Variants in CHL1 observed in about 807,000 individuals in gnomAD.
CHL1 encodes the protein cell adhesion molecule L1 like, also known as neural cell adhesion molecule L1-like protein.
Under a neutral mutation model 141.9 loss-of-function variants are expected in CHL1, and 96 were observed. That is an observed-to-expected ratio of 0.68 (90% CI 0.57 to 0.80). The LOEUF is 0.80. CHL1 is among the 30% of genes least tolerant of loss of function. The pLI, the probability that CHL1 is intolerant of heterozygous loss-of-function variation, is 0.00. For synonymous variants in CHL1, 613 were observed against 502.2 expected (o/e 1.22, Z -2.95); for missense variants, 1,820 against 1,457.2 (o/e 1.25, Z -4.05).
intron 2 of CHL1, among the ~76,000 whole-genome samples, chr3:264,264 C>T (rs571267659): frequency 6.6e-5 from 10 of 151,490 alleles, no homozygotes; most frequent in African/African-American, 2.2e-4. Context: ...TGTTCATAAC[C>T]CCTGCCTTTA....
At chr3:370,726 T>C (rs887929117) in intron 15 of CHL1, among the ~76,000 whole-genome samples, 8 of 152,216 alleles carry the variant, frequency 5.3e-5, no homozygotes, top group Admixed American at 6.5e-5. Context: ...CTTTCTAGCT[T>C]TCTGATGTGG....
chr3:313,559 T>C (rs1699918919), intron 2 of CHL1, among the ~76,000 whole-genome samples: 1 of 152,112 alleles, frequency 6.6e-6, no homozygotes. Flanking sequence ...GACTGTTAGG[T>C]GAAAAAAACA....
chr3:307,591 T>G (rs1046529742), intron 2 of CHL1, among the ~76,000 whole-genome samples: 9 of 152,278 alleles, frequency 5.9e-5, no homozygotes, highest in African/African-American at 2.2e-4. Context: ...TTTTTTAATA[T>G]CCTATTCACT....
At chr3:326,498 T>G (rs911752922) in intron 4 of CHL1, among the ~76,000 whole-genome samples, 1 of 152,012 alleles carries the variant, frequency 6.6e-6, no homozygotes, top group Non-Finnish European at 1.5e-5. Flanking sequence ...AGGTTGTTAC[T>G]TGATTTTTTT....
At chr3:295,352 A>C (rs1008890439) in intron 2 of CHL1, among the ~76,000 whole-genome samples, 5 of 152,216 alleles carry the variant, frequency 3.3e-5, no homozygotes, top group African/African-American at 4.8e-5. Flanking sequence ...GCCACAGAAG[A>C]AGCAGCTGCT....
chr3:313,893 C>T (rs938889605), intron 2 of CHL1, among the ~76,000 whole-genome samples: 1 of 152,076 alleles, frequency 6.6e-6, no homozygotes, highest in African/African-American at 2.4e-5. Context: ...AATGGGCTTA[C>T]ATTTTCTTTA....
chr3:372,507 G>C (rs1436156725), intron 15 of CHL1, among the ~76,000 whole-genome samples: 2 of 152,110 alleles, frequency 1.3e-5, no homozygotes. Context: ...AGCAGCTCCT[G>C]TGACCTTTTA....
chr3:224,160 A>T (rs1432576676), intron 1 of CHL1, among the ~76,000 whole-genome samples: 1 of 152,058 alleles, frequency 6.6e-6, no homozygotes, highest in East Asian at 1.9e-4. Flanking sequence ...TTACTTTTAC[A>T]AAGGTGGTTT....
At chr3:361,149 G>A (rs1704207967) in intron 12 of CHL1, among the ~76,000 whole-genome samples, 1 of 151,668 alleles carries the variant, frequency 6.6e-6, no homozygotes, top group Non-Finnish European at 1.5e-5. Flanking sequence ...AAATGGTGCT[G>A]GGAAAACTGG....
chr3:364,880 G>A (rs1010027026), intron 14 of CHL1, among the ~76,000 whole-genome samples: 2 of 152,094 alleles, frequency 1.3e-5, no homozygotes, highest in Non-Finnish European at 2.9e-5. Context: ...ATGCCACAAT[G>A]AATATGCATT....
chr3:380,026 A>C (rs1706838143), intron 16 of CHL1, among the ~76,000 whole-genome samples: 1 of 152,180 alleles, frequency 6.6e-6, no homozygotes, highest in African/African-American at 2.4e-5. Flanking sequence ...TAAAAGTTTC[A>C]GTTGCAAGTT....
Position 389,482 on chromosome 3 carries a change from A to T in CHL1, c.2470+8A>T, listed in dbSNP as rs1313141968. On this transcript the variant is annotated splice_region_variant and intron_variant, in intron 20 of 27. Coordinates refer to ENST00000256509, the MANE Select transcript of CHL1 (RefSeq NM_006614.4). ...TCTATTCTGGAGAAGACTGTAAGTG[A>T]TGCACCTAAAACTGCTAAGCACGTC... 6.2e-7 allele frequency: 1 copy of T among 1,604,822 alleles called. No homozygotes were observed. Among genetic ancestry groups the T allele is most frequent in the Non-Finnish European group, 8.5e-7 (1 of 1,171,908 alleles).
chr3:392,175 T>C (rs1428943283), intron 23 of CHL1, among the ~76,000 whole-genome samples: 1 of 152,196 alleles, frequency 6.6e-6, no homozygotes. Flanking sequence ...TGCTGATGGG[T>C]ACACAAAACA....
intron 2 of CHL1, among the ~76,000 whole-genome samples, chr3:314,239 G>C (rs1287412538): frequency 6.8e-6 from 1 of 147,918 alleles, no homozygotes; most frequent in Non-Finnish European, 1.5e-5. Flanking sequence ...GTTTCCATTA[G>C]GAAAATGTTA....
intron 24 of CHL1, among the ~76,000 whole-genome samples, chr3:395,513 T>G (rs1245974834): frequency 6.6e-6 from 1 of 152,226 alleles, no homozygotes; most frequent in East Asian, 1.9e-4. Context: ...AAGCTTTCTA[T>G]GATAGCAACA....
rs531704043 is a variant in CHL1 at position 399,570 on chromosome 3, G to A, written c.3385+422G>A. ...CAGGAGAATCACTTGAACCCGGGAGGTGGAGTTTGCAGTGAGCTGAGATCA... is the reference window on the plus strand; with the variant it reads ...CAGGAGAATCACTTGAACCCGGGAGATGGAGTTTGCAGTGAGCTGAGATCA... On this transcript the variant is annotated intron_variant, in intron 26 of 27. Transcript: ENST00000256509. Among the ~76,000 whole-genome samples, 3 of 152,280 alleles carry A rather than the reference G, an allele frequency of 2.0e-5. No homozygotes were observed. In the East Asian group the frequency reaches 5.8e-4, roughly 29 times the overall value.
chr3:200,474 A>G (rs1698819582), intron 1 of CHL1, among the ~76,000 whole-genome samples: 2 of 152,216 alleles, frequency 1.3e-5, no homozygotes, highest in Admixed American at 1.3e-4. Context: ...TCAAACCAAG[A>G]TTGAGAATAC....
chr3:405,398 G>GA (rs1337284485), intron 27 of CHL1, 97 bp from the exon 28 acceptor site: 32 of 818,702 alleles, frequency 3.9e-5, no homozygotes, highest in Non-Finnish European at 5.8e-5. Flanking sequence ...CAAATGTCCT[G>GA]AAAATTATAA....
At chr3:403,134 T>G (rs1709277256) in intron 27 of CHL1, among the ~76,000 whole-genome samples, 1 of 152,190 alleles carries the variant, frequency 6.6e-6, no homozygotes, top group East Asian at 1.9e-4. Flanking sequence ...GCTGTTGAAC[T>G]AAGGGCTTCT....
Sources: gnomAD v4.1 joint callset for allele counts (sites outside exome capture counted in the v4.1 genomes callset) on GRCh38, gnomAD v4.1.1 for gene constraint, MANE v1.5 for transcripts, NCBI Gene and HGNC (gene_info 2026-07-23, HGNC 2026-07-21) for gene names.